The following PDE4B variants were observed in gnomAD, a reference collection of about 807,000 sequenced individuals.
The protein encoded by PDE4B is 3',5'-cyclic-AMP phosphodiesterase 4B.
Under a neutral mutation model 82.2 loss-of-function variants are expected in PDE4B, and 20 were observed. The observed-to-expected ratio is 0.24, with a 90% CI of 0.17 to 0.35. The LOEUF (loss-of-function observed/expected upper bound fraction) is 0.35, where lower values mean the gene tolerates loss of function less well. Among genes scored for constraint, PDE4B ranks in the 10% least tolerant of loss-of-function variants. The probability of loss-of-function intolerance (pLI) is 1.00; values close to 1 mark genes in which losing one functional copy is unlikely to be tolerated. For synonymous variants in PDE4B, 320 were observed against 318.9 expected (o/e 1.00, Z -0.04); for missense variants, 655 against 907.2 (o/e 0.72, Z 3.57).
intron 3 of PDE4B, among the ~76,000 whole-genome samples, chr1:66,012,589 A>AC (rs1374783190): frequency 1.3e-5 from 2 of 152,064 alleles, no homozygotes; most frequent in African/African-American, 4.8e-5. Flanking sequence ...AGAAGGAGTA[A>AC]CCACATTGTG....
intron 3 of PDE4B, among the ~76,000 whole-genome samples, chr1:66,220,657 C>T (rs1650907369): frequency 1.3e-5 from 2 of 152,244 alleles, no homozygotes; most frequent in African/African-American, 2.4e-5. Context: ...CATTCTTAAA[C>T]GTTTTTCCCT....
At chr1:65,924,330 T>G (rs1013630081) in intron 3 of PDE4B, among the ~76,000 whole-genome samples, 1 of 151,412 alleles carries the variant, frequency 6.6e-6, no homozygotes, top group African/African-American at 2.4e-5. Flanking sequence ...CGCCTCGGCC[T>G]CCCAAAGTGC....
At chr1:66,365,313 C>CT (rs1663157029) in intron 12 of PDE4B, among the ~76,000 whole-genome samples, 1 of 152,216 alleles carries the variant, frequency 6.6e-6, no homozygotes, top group South Asian at 2.1e-4. Context: ...GCCAGTCTGA[C>CT]TTGCTTCTTT....
chr1:66,161,277 A>AACAC (rs77927266), intron 3 of PDE4B, among the ~76,000 whole-genome samples: 12 of 149,660 alleles, frequency 8.0e-5, no homozygotes, highest in East Asian at 2.0e-4. Flanking sequence ...GTCAAACCTG[A>AACAC]ACACACACAC....
Position 65,793,046 on chromosome 1 carries a change from G to T in PDE4B, c.-273G>T, listed in dbSNP as rs894615817. ...CCTGGCCTCGCCTCAGCGGCTGCAG[G>T]CTCTTCGTCGCGGGCCGGGCTGCAC... On this transcript the variant is annotated 5_prime_UTR_variant, in exon 1 of 17. Coordinates refer to ENST00000341517, the MANE Select transcript of PDE4B (RefSeq NM_002600.4). 1 of 151,852 alleles carries T rather than the reference G, an allele frequency of 6.6e-6. No homozygotes were observed. Among genetic ancestry groups the T allele is most frequent in the African/African-American group, 2.4e-5 (1 of 41,378 alleles). 9.4% of individuals were successfully genotyped at this position (151,852 alleles called of 1,614,324 possible).
chr1:66,136,173 T>G (rs1220319815), intron 3 of PDE4B, among the ~76,000 whole-genome samples: 1 of 152,186 alleles, frequency 6.6e-6, no homozygotes, highest in Non-Finnish European at 1.5e-5. Flanking sequence ...AATGGTCCAC[T>G]AGTACCACCC....
intron 7 of PDE4B, among the ~76,000 whole-genome samples, chr1:66,326,734 A>C (rs891524900): frequency 4.6e-5 from 7 of 152,196 alleles, no homozygotes; most frequent in Admixed American, 3.3e-4. Context: ...ATATAGAGAT[A>C]TGTTGGAATA....
rs781315273 is a variant in PDE4B at position 65,798,238 on chromosome 1, C to CTT, written c.-71+5020_-71+5021dup. ...GTTTCACCATGTTGGCCAGGCTAGTCTTTTTTTTTTTTTTTTTTTTTTTTT... is the reference window on the plus strand; with the variant it reads ...GTTTCACCATGTTGGCCAGGCTAGTCTTTTTTTTTTTTTTTTTTTTTTTTTTT... On this transcript the variant is annotated intron_variant, in intron 1 of 16. Transcript: ENST00000341517. Among the ~76,000 whole-genome samples, 108 of 22,668 alleles carry CTT rather than the reference C, an allele frequency of 4.8e-3. 12 individuals carry two copies. Among genetic ancestry groups the CTT allele is most frequent in the African/African-American group, 6.0e-3 (12 of 2,016 alleles). The allele number at this position is 22,668 out of a possible 152,430, so 14.9% of individuals were successfully genotyped here.
chr1:65,841,343 AAAGG>A (rs1294591993), intron 1 of PDE4B, among the ~76,000 whole-genome samples: 3 of 151,690 alleles, frequency 2.0e-5, no homozygotes, highest in Non-Finnish European at 4.4e-5. Context: ...GAAAGAAAGA[AAAGG>A]AAGAAAGAAA....
At chr1:65,861,663 A>G (rs187832564) in intron 1 of PDE4B, among the ~76,000 whole-genome samples, 10 of 152,014 alleles carry the variant, frequency 6.6e-5, no homozygotes, top group Admixed American at 6.5e-4. Context: ...CATGATATTG[A>G]TTTTTCCTAT....
intron 3 of PDE4B, among the ~76,000 whole-genome samples, chr1:66,024,408 C>T (rs1653320544): frequency 6.6e-6 from 1 of 152,100 alleles, no homozygotes; most frequent in South Asian, 2.1e-4. Flanking sequence ...TCTGTCTGAA[C>T]ATTTTCAGAT....
intron 3 of PDE4B, among the ~76,000 whole-genome samples, chr1:66,090,621 A>ATATGTGTGTGTGTGTGTGTGTG: frequency 8.1e-6 from 1 of 122,738 alleles, no homozygotes; most frequent in African/African-American, 4.1e-5. Flanking sequence ...TATATAATAT[A>ATATGTGTGTGTGTGTGTGTGTG]TGTGTGTGTG....
At chr1:66,066,120 A>G (rs1273580212) in intron 3 of PDE4B, among the ~76,000 whole-genome samples, 1 of 151,526 alleles carries the variant, frequency 6.6e-6, no homozygotes, top group Non-Finnish European at 1.5e-5. Context: ...TAAATAATTT[A>G]TATGTATTTG....
intron 3 of PDE4B, among the ~76,000 whole-genome samples, chr1:66,027,348 C>A (rs1181628698): frequency 6.6e-6 from 1 of 152,188 alleles, no homozygotes; most frequent in African/African-American, 2.4e-5. Flanking sequence ...ACGGGAAAGA[C>A]TGGCCCCCAT....
intron 3 of PDE4B, among the ~76,000 whole-genome samples, chr1:66,230,982 C>T (rs7529249): frequency 0.17 from 26,108 of 149,362 alleles, 4,400 homozygotes; most frequent in African/African-American, 0.43. Context: ...TGCAGTGAGC[C>T]GAGATTGCAC....
At chr1:66,289,944 T>C (rs1656952002) in intron 7 of PDE4B, among the ~76,000 whole-genome samples, 1 of 151,716 alleles carries the variant, frequency 6.6e-6, no homozygotes, top group Non-Finnish European at 1.5e-5. Flanking sequence ...AAAGTAGAAA[T>C]AGTAAGGGAG....
At chr1:66,018,817 G>T (rs1652924517) in intron 3 of PDE4B, among the ~76,000 whole-genome samples, 2 of 152,272 alleles carry the variant, frequency 1.3e-5, no homozygotes, top group African/African-American at 4.8e-5. Context: ...GTGATCTAAA[G>T]AATGTGTTAA....
intron 3 of PDE4B, among the ~76,000 whole-genome samples, chr1:66,193,950 C>CT (rs11423626): frequency 0.68 from 95,829 of 141,858 alleles, 33,046 homozygotes; most frequent in Non-Finnish European, 0.75. Context: ...GATTTGAAAT[C>CT]TTTTTTTTTT....
At chr1:65,959,724 A>G (rs1221172306) in intron 3 of PDE4B, among the ~76,000 whole-genome samples, 2 of 152,226 alleles carry the variant, frequency 1.3e-5, no homozygotes, top group East Asian at 3.9e-4. Flanking sequence ...GGGTCAGAAG[A>G]GGGTGCTGAT....
Sources: gnomAD v4.1 joint callset for allele counts (sites outside exome capture counted in the v4.1 genomes callset) on GRCh38, gnomAD v4.1.1 for gene constraint, MANE v1.5 for transcripts, NCBI Gene and HGNC (gene_info 2026-07-23, HGNC 2026-07-21) for gene names.